The following EFCAB5 variants were observed in gnomAD, a reference collection of about 807,000 sequenced individuals.
The protein encoded by EFCAB5 is EF-hand calcium-binding domain-containing protein 5.
EFCAB5 carries 131 observed loss-of-function variants against 167.9 expected under a neutral mutation model. That is an observed-to-expected ratio of 0.78 (90% CI 0.68 to 0.90). EFCAB5 has a LOEUF of 0.90. Ranked by LOEUF, EFCAB5 falls within the 40% of genes least tolerant of loss-of-function variation. The pLI is 0.00. For synonymous variants in EFCAB5, 574 were observed against 602.8 expected (o/e 0.95, Z 0.70); for missense variants, 1,663 against 1,745.2 (o/e 0.95, Z 0.84).
At chr17:30,067,022 T>G (rs2070589965) in intron 14 of EFCAB5, among the ~76,000 whole-genome samples, 1 of 152,172 alleles carries the variant, frequency 6.6e-6, no homozygotes, top group Admixed American at 6.5e-5. Flanking sequence ...TAATAAAATG[T>G]CTCTCATCAA....
At chr17:29,937,065 C>T (rs1374186817), upstream of EFCAB5, among the ~76,000 whole-genome samples, 1 of 152,174 alleles carries the variant, frequency 6.6e-6, no homozygotes, top group African/African-American at 2.4e-5. Context: ...AGAGGAGGTG[C>T]AAGTGGAGGC....
chr17:30,022,996 C>A (rs902500735), intron 7 of EFCAB5, among the ~76,000 whole-genome samples: 1 of 151,596 alleles, frequency 6.6e-6, no homozygotes. Context: ...AACAAAGACA[C>A]AACATACCAG....
intron 14 of EFCAB5, chr17:30,069,777 G>A (rs1248068790): frequency 1.5e-6 from 1 of 661,116 alleles, no homozygotes; most frequent in Non-Finnish European, 2.6e-6. Context: ...TTAAGAGAAA[G>A]GGGTTCAGAC....
chr17:30,051,258 C>T (rs11653805), intron 9 of EFCAB5, 41 bp downstream of exon 9: 792,830 of 1,563,706 alleles, frequency 0.51, 202,656 homozygotes, highest in African/African-American at 0.57. Flanking sequence ...GCTGGAGTGT[C>T]GCAGTGCACT....
intron 7 of EFCAB5, among the ~76,000 whole-genome samples, chr17:30,005,554 G>C (rs1485536709): frequency 1.3e-5 from 2 of 151,978 alleles, no homozygotes; most frequent in Admixed American, 1.3e-4. Flanking sequence ...ATCACAAATT[G>C]CATATGTTTG....
intron 22 of EFCAB5, among the ~76,000 whole-genome samples, chr17:30,098,993 G>A (rs113206749): frequency 1.2e-3 from 179 of 152,226 alleles, no homozygotes; most frequent in African/African-American, 4.0e-3. Context: ...CTTCATTTTT[G>A]CGTGTGTGGC....
chr17:29,981,905 A>G (rs1165085993), intron 4 of EFCAB5, among the ~76,000 whole-genome samples: 1 of 152,190 alleles, frequency 6.6e-6, no homozygotes, highest in Non-Finnish European at 1.5e-5. Context: ...ATTTTATAAA[A>G]TTCTGAAGAG....
rs148944186 is a variant in EFCAB5, at chr17:29,952,684, A to G, written c.190+9035A>G. On this transcript the variant is annotated intron_variant, in intron 3 of 22. Coordinates refer to ENST00000394835, the MANE Select transcript of EFCAB5 (RefSeq NM_198529.4). ...ATGAAATTTTTTATGAAATTAAAAA[A>G]CAAGAACAATGTTGTATTCCTTAGA... Among the ~76,000 whole-genome samples the G allele has an allele frequency of 7.2e-3, 1,094 of 152,278 alleles. 15 individuals are homozygous for G. Among genetic ancestry groups the G allele is most frequent in the African/African-American group, 0.023 (936 of 41,574 alleles).
intron 19 of EFCAB5, among the ~76,000 whole-genome samples, chr17:30,088,383 T>A (rs1045276474): frequency 6.6e-6 from 1 of 152,212 alleles, no homozygotes; most frequent in African/African-American, 2.4e-5. Context: ...ATTTTAAAAT[T>A]GCATGTTTTA....
intron 4 of EFCAB5, among the ~76,000 whole-genome samples, chr17:29,979,584 C>T (rs144218407): frequency 6.6e-6 from 1 of 152,336 alleles, no homozygotes; most frequent in East Asian, 1.9e-4. Context: ...AAACATCCCT[C>T]CCTTTGTTTC....
At chr17:30,031,517 G>A (rs2069479146) in intron 7 of EFCAB5, among the ~76,000 whole-genome samples, 1 of 152,198 alleles carries the variant, frequency 6.6e-6, no homozygotes, top group South Asian at 2.1e-4. Flanking sequence ...AATGGCTGAA[G>A]AGAACTTACT....
rs150007960 is a variant in EFCAB5 at position 30,039,640 on chromosome 17, G to A, written c.1200+5255G>A. On this transcript the variant is annotated intron_variant, in intron 8 of 22. Transcript: ENST00000394835. The stretch of plus-strand genomic sequence containing the variant: ...TCATCTGGATCAAGGCTGGACCTCC[G>A]AGGAGGGATGTGCCGACTTAAAGCC... 4.6e-3 allele frequency among the ~76,000 whole-genome samples: 693 copies of A among 152,250 alleles called. 2 individuals are homozygous for A. The highest frequency in any genetic ancestry group is 7.6e-3 in the Admixed American group (116 of 15,302).
intron 18 of EFCAB5, among the ~76,000 whole-genome samples, chr17:30,086,591 C>A (rs1416269216): frequency 1.4e-5 from 2 of 147,120 alleles, no homozygotes; most frequent in African/African-American, 2.5e-5. Context: ...ACTAAAGATA[C>A]AAAAAAAAAA....
At chr17:30,099,713 C>T (rs1257345538) in intron 22 of EFCAB5, among the ~76,000 whole-genome samples, 1 of 152,178 alleles carries the variant, frequency 6.6e-6, no homozygotes, top group Non-Finnish European at 1.5e-5. Context: ...GTACACTGCA[C>T]AAAGGTGCTC....
chr17:30,099,363 G>A (rs1018046965), intron 22 of EFCAB5, among the ~76,000 whole-genome samples: 1 of 151,998 alleles, frequency 6.6e-6, no homozygotes, highest in Admixed American at 6.5e-5. Flanking sequence ...CCCAGTTAAG[G>A]CTGCAGTGGG....
intron 5 of EFCAB5, 99 bp from the exon 6 acceptor site, chr17:29,996,213 C>A: frequency 3.0e-6 from 3 of 991,686 alleles, no homozygotes; most frequent in Admixed American, 2.5e-5. Flanking sequence ...AATACTAAAA[C>A]AGAAAGACTA....
chr17:30,022,000 ATAAT>A (rs2069190925), intron 7 of EFCAB5, among the ~76,000 whole-genome samples: 1 of 152,160 alleles, frequency 6.6e-6, no homozygotes, highest in South Asian at 2.1e-4. Flanking sequence ...TCACTGAGTA[ATAAT>A]TAATATAGAG....
At chr17:29,933,401 A>G (rs1177323078) in intron 1 of EFCAB5, among the ~76,000 whole-genome samples, 1 of 152,114 alleles carries the variant, frequency 6.6e-6, no homozygotes, top group African/African-American at 2.4e-5. Flanking sequence ...ATTTATACCT[A>G]ATTTCCCTAG....
chr17:29,978,117 T>C (rs1279497636), intron 4 of EFCAB5, among the ~76,000 whole-genome samples: 1 of 152,194 alleles, frequency 6.6e-6, no homozygotes, highest in East Asian at 1.9e-4. Context: ...GACAGCTGTC[T>C]GCTCATATTC....
Sources: gnomAD v4.1 joint callset for allele counts (sites outside exome capture counted in the v4.1 genomes callset) on GRCh38, gnomAD v4.1.1 for gene constraint, MANE v1.5 for transcripts, NCBI Gene and HGNC (gene_info 2026-07-23, HGNC 2026-07-21) for gene names.